Variants in ATP10B observed in about 807,000 individuals in gnomAD.
The protein encoded by ATP10B is ATPase phospholipid transporting 10B (putative).
ATP10B carries 122 observed loss-of-function variants against 141.2 expected under a neutral mutation model. That is an observed-to-expected ratio of 0.86 (90% confidence interval 0.75 to 1.00). ATP10B has a LOEUF of 1.00. Among genes scored for constraint, ATP10B ranks in the 50% least tolerant of loss-of-function variants. ATP10B has a pLI of 0.00. For synonymous variants in ATP10B, 685 were observed against 692.0 expected, an observed-to-expected ratio of 0.99 and a Z score of 0.16; for missense variants, 1,876 against 1,825.3, an observed-to-expected ratio of 1.03 and a Z score of -0.51.
intron 6 of ATP10B, among the ~76,000 whole-genome samples, chr5:160,680,501 A>T (rs1350980741): frequency 6.6e-6 from 1 of 152,186 alleles, no homozygotes; most frequent in Non-Finnish European, 1.5e-5. Context: ...AACTTTAGGG[A>T]CATATAGTAT....
intron 13 of ATP10B, among the ~76,000 whole-genome samples, chr5:160,623,575 C>G: frequency 6.6e-6 from 1 of 151,794 alleles, no homozygotes; most frequent in East Asian, 1.9e-4. Flanking sequence ...AAAAAGAGGA[C>G]GGGCTGGATC....
chr5:160,828,878 T>TA (rs1338922564), intron 1 of ATP10B, among the ~76,000 whole-genome samples: 1 of 149,392 alleles, frequency 6.7e-6, no homozygotes, highest in Admixed American at 6.7e-5. Flanking sequence ...TATGCAGCCA[T>TA]AAAAAATGAT....
At chr5:160,752,731 G>A (rs1444005670) in intron 2 of ATP10B, among the ~76,000 whole-genome samples, 1 of 152,174 alleles carries the variant, frequency 6.6e-6, no homozygotes, top group Admixed American at 6.5e-5. Flanking sequence ...AGTCAACGCG[G>A]GGATGTGGGC....
intron 1 of ATP10B, among the ~76,000 whole-genome samples, chr5:160,842,914 T>C (rs1432470067): frequency 6.6e-6 from 1 of 151,850 alleles, no homozygotes; most frequent in African/African-American, 2.4e-5. Context: ...TCAGAAAACA[T>C]AAAAATAGAA....
rs1773842787 is a variant in ATP10B at position 160,818,354 on chromosome 5, C to T, written c.-575-32551G>A. ...AGTGGGCAAAGGATATGAACAGACA[C>T]TTCTCAAAAGAAGACATTGATGCAG... On this transcript the variant is annotated intron_variant, in intron 1 of 25. Coordinates refer to ENST00000327245, the MANE Select transcript of ATP10B (RefSeq NM_025153.3). Among the ~76,000 whole-genome samples the T allele has an allele frequency of 2.0e-5, 3 of 152,314 alleles. No homozygotes were observed. In the South Asian group the frequency reaches 6.2e-4, roughly 32 times the overall value.
At chr5:160,833,664 A>G (rs1775244595) in intron 1 of ATP10B, among the ~76,000 whole-genome samples, 1 of 152,176 alleles carries the variant, frequency 6.6e-6, no homozygotes, top group African/African-American at 2.4e-5. Flanking sequence ...AACTATGATT[A>G]CAATATGTGA....
chr5:160,880,414 GAGA>G, the ATP10B span, among the ~76,000 whole-genome samples: 8 of 152,006 alleles, frequency 5.3e-5, no homozygotes, highest in South Asian at 8.3e-4. Context: ...TCAAAATTCC[GAGA>G]AGTTCTTTTG....
At chr5:160,684,769 T>C (rs549397691) in intron 6 of ATP10B, 19 of 622,594 alleles carry the variant, frequency 3.1e-5, no homozygotes, top group African/African-American at 1.8e-4. Flanking sequence ...AAACAGTAAC[T>C]GCAGTGATAG....
At chr5:160,684,854 C>A in intron 6 of ATP10B, 1 of 699,960 alleles carries the variant, frequency 1.4e-6, no homozygotes, top group South Asian at 1.5e-5. Context: ...ATGAGGCACT[C>A]TCGGTTATTG....
At chr5:160,896,703 G>A in the ATP10B span, among the ~76,000 whole-genome samples, 2 of 152,164 alleles carry the variant, frequency 1.3e-5, no homozygotes, top group African/African-American at 4.8e-5. Flanking sequence ...TATGAGGCCA[G>A]TATCATCCTG....
chr5:160,869,485 A>G, the ATP10B span, among the ~76,000 whole-genome samples: 1 of 152,170 alleles, frequency 6.6e-6, no homozygotes, highest in African/African-American at 2.4e-5. Context: ...GGGGAAAAAA[A>G]AAGTCTTAGA....
intron 2 of ATP10B, among the ~76,000 whole-genome samples, chr5:160,737,571 C>T (rs990005419): frequency 6.6e-6 from 1 of 151,922 alleles, no homozygotes; most frequent in East Asian, 1.9e-4. Flanking sequence ...CAAAAATCAA[C>T]ATAAAAAAAT....
the ATP10B span, among the ~76,000 whole-genome samples, chr5:160,925,331 C>CCGGT: frequency 3.3e-5 from 5 of 152,176 alleles, no homozygotes; most frequent in African/African-American, 9.7e-5. Flanking sequence ...TCATTATGGA[C>CCGGT]CTATCACTAT....
chr5:160,755,828 AAAAAAAAAAAATATATATAT>A (rs1768515038), intron 2 of ATP10B, among the ~76,000 whole-genome samples: 1 of 71,110 alleles, frequency 1.4e-5, no homozygotes, highest in African/African-American at 5.5e-5. Flanking sequence ...AAAAAAAAAA[AAAAAAAAAAAATATATATAT>A]ATATATATAT....
At chr5:160,828,472 G>A (rs1179775315) in intron 1 of ATP10B, among the ~76,000 whole-genome samples, 1 of 151,904 alleles carries the variant, frequency 6.6e-6, no homozygotes, top group Non-Finnish European at 1.5e-5. Flanking sequence ...ATCATCACTA[G>A]CCATCAGAGA....
At chr5:160,614,373 T>G (rs896118926) in intron 17 of ATP10B, 2 of 152,196 alleles carry the variant, frequency 1.3e-5, no homozygotes, top group Non-Finnish European at 2.9e-5. Flanking sequence ...GATAAGTGTG[T>G]TCTCTTCACC....
intron 13 of ATP10B, among the ~76,000 whole-genome samples, chr5:160,630,523 A>G (rs1758863676): frequency 6.6e-6 from 1 of 152,204 alleles, no homozygotes. Flanking sequence ...TGCCTGTGGT[A>G]TCTAGAACTG....
At chr5:160,604,545 A>G (rs1757273213) in intron 19 of ATP10B, among the ~76,000 whole-genome samples, 1 of 152,168 alleles carries the variant, frequency 6.6e-6, no homozygotes, top group African/African-American at 2.4e-5. Context: ...GGAGAGTGAA[A>G]TCATCAGAAA....
intron 13 of ATP10B, among the ~76,000 whole-genome samples, chr5:160,629,896 G>A (rs1758825966): frequency 1.3e-5 from 2 of 152,140 alleles, no homozygotes; most frequent in African/African-American, 4.8e-5. Context: ...TATGTTATTT[G>A]ATCTTTAGAA....
Sources: allele counts gnomAD v4.1 joint callset (sites outside exome capture counted in the v4.1 genomes callset), GRCh38; gene constraint gnomAD v4.1.1; transcripts MANE v1.5; gene names NCBI Gene and HGNC (gene_info 2026-07-23, HGNC 2026-07-21).